Variants in SETDB1 observed in about 807,000 individuals in gnomAD.
SETDB1 encodes SET domain bifurcated histone lysine methyltransferase 1.
SETDB1 carries 31 observed loss-of-function variants against 137.4 expected under a neutral mutation model. The observed-to-expected ratio is 0.23, with a 90% CI of 0.17 to 0.30. The LOEUF is 0.30. SETDB1 is among the 10% of genes least tolerant of loss of function. SETDB1 has a pLI of 1.00. For synonymous variants in SETDB1, 548 were observed against 579.9 expected (o/e 0.95, Z 0.79); for missense variants, 1,113 against 1,631.5 (o/e 0.68, Z 5.47).
At chr1:150,958,686 G>T (rs377521542) in intron 14 of SETDB1, among the ~76,000 whole-genome samples, 9 of 151,654 alleles carry the variant, frequency 5.9e-5, no homozygotes, top group South Asian at 2.1e-4. Flanking sequence ...ATTCCCTTTC[G>T]TATCTGTTAT....
At chr1:150,927,368 C>T (rs917239165) in intron 1 of SETDB1, among the ~76,000 whole-genome samples, 2 of 152,162 alleles carry the variant, frequency 1.3e-5, no homozygotes, top group African/African-American at 4.8e-5. Context: ...TCAAGCGACC[C>T]TCCTGCCTCG....
intron 2 of SETDB1, among the ~76,000 whole-genome samples, chr1:150,929,735 C>T (rs942132414): frequency 6.6e-6 from 1 of 152,014 alleles, no homozygotes; most frequent in Non-Finnish European, 1.5e-5. Context: ...GGTGAAAGTA[C>T]TGTACTTTGG....
intron 14 of SETDB1, among the ~76,000 whole-genome samples, chr1:150,958,254 C>CTTTTTTTTTTTTTTTTTTTTTTTTTTTTT (rs374122454): frequency 2.9e-4 from 27 of 94,066 alleles, no homozygotes; most frequent in Non-Finnish European, 3.9e-4. Flanking sequence ...TTTCTTTTTT[C>CTTTTTTTTTTTTTTTTTTTTTTTTTTTTT]TTTTTTTTTT....
At position 150,964,313 on chromosome 1, in the gene SETDB1, G is replaced by A; in HGVS notation, c.3828G>A (p.Lys1276=). The A allele has an allele frequency of 6.2e-7, 1 of 1,614,206 alleles. No homozygotes were observed. The highest frequency in any genetic ancestry group is 8.5e-7 in the Non-Finnish European group (1 of 1,180,018). The change falls in exon 22 of 22, where the codon AAG becomes AAA. Residue 1276 remains lysine, a synonymous_variant. Transcript: ENST00000692827. ...ACGAGGTGGGCAGTGTGGAAGGCAAGGAGCTACTCTGTTGCTGTGGGGCCA... is the reference window on the plus strand; with the variant it reads ...ACGAGGTGGGCAGTGTGGAAGGCAAAGAGCTACTCTGTTGCTGTGGGGCCA... ...YNYEVGSVEG[K]ELLCCCGAIE...
intron 14 of SETDB1, 30 bp from the exon 15 acceptor site, chr1:150,959,148 G>C (rs375629306): frequency 6.7e-7 from 1 of 1,500,776 alleles, no homozygotes; most frequent in South Asian, 1.3e-5. Context: ...TGATCATACC[G>C]TGATTGATTT....
chr1:150,955,952 C>T (rs1195909202), intron 14 of SETDB1, among the ~76,000 whole-genome samples: 1 of 151,870 alleles, frequency 6.6e-6, no homozygotes, highest in Non-Finnish European at 1.5e-5. Flanking sequence ...ATTAGCCAGG[C>T]GTGGTGGCAC....
chr1:150,942,526 G>A lies in SETDB1; in HGVS notation c.548-37G>A, dbSNP rs1234342127. On this transcript the variant is annotated intron_variant, in intron 5 of 21. Transcript: ENST00000692827. Reference sequence around the variant, plus strand: ...CCTTCCCGTTCTCTACCGAATCTATGTCATAACTCTTGAGAATAACTTTGC... The same window carrying A: ...CCTTCCCGTTCTCTACCGAATCTATATCATAACTCTTGAGAATAACTTTGC... 3 of 1,587,198 alleles carry A rather than the reference G, an allele frequency of 1.9e-6. No individual in the cohort carries two copies. The Admixed American group carries it at 5.4e-5, about 28-fold the overall frequency.
At chr1:150,947,152 A>G (rs1164311999) in intron 10 of SETDB1, 140 bp downstream of exon 10, 4 of 958,708 alleles carry the variant, frequency 4.2e-6, no homozygotes, top group Middle Eastern at 3.1e-4. Context: ...GTTGTTTCCA[A>G]TCATGGTGAT....
In SETDB1 at chr1:150,963,178, G is replaced by A. The variant is rs776558216; in HGVS notation, c.3460+39G>A. On this transcript the variant is annotated intron_variant, in intron 19 of 21. Coordinates refer to ENST00000692827, the MANE Select transcript of SETDB1 (RefSeq NM_001366418.1). Reference sequence around the variant, plus strand: ...ATTTTGGGAATGGTGGGAAGAAATAGTAAGAAACTTGGGATAGAGCATTTT... The same window carrying A: ...ATTTTGGGAATGGTGGGAAGAAATAATAAGAAACTTGGGATAGAGCATTTT... 42 of 1,580,654 alleles carry A rather than the reference G, an allele frequency of 2.7e-5. No individual in the cohort carries two copies. The African/African-American group carries it at 4.6e-4, about 17-fold the overall frequency.
chr1:150,927,391 G>A (rs1669564112), intron 1 of SETDB1, among the ~76,000 whole-genome samples: 1 of 152,158 alleles, frequency 6.6e-6, no homozygotes, highest in South Asian at 2.1e-4. Flanking sequence ...CTCTAAAAGT[G>A]CTGAGATTAC....
chr1:150,940,997 C>CAAAA, intron 4 of SETDB1, among the ~76,000 whole-genome samples: 1 of 119,118 alleles, frequency 8.4e-6, no homozygotes, highest in Non-Finnish European at 1.8e-5. Flanking sequence ...GACTCCATCT[C>CAAAA]AAAAAAAAAA....
intron 14 of SETDB1, among the ~76,000 whole-genome samples, chr1:150,956,881 G>A (rs944172542): frequency 2.6e-5 from 4 of 152,076 alleles, no homozygotes; most frequent in South Asian, 2.1e-4. Flanking sequence ...TTGGGAGGCC[G>A]TGGTGGGGGG....
chr1:150,943,378 A>G (rs1670223146), intron 7 of SETDB1, among the ~76,000 whole-genome samples: 1 of 152,172 alleles, frequency 6.6e-6, no homozygotes, highest in South Asian at 2.1e-4. Context: ...ATAGAGGAAA[A>G]AGAATATATG....
intron 1 of SETDB1, among the ~76,000 whole-genome samples, 200 bp from the exon 2 acceptor site, chr1:150,927,504 A>C (rs1669568130): frequency 6.6e-6 from 1 of 152,154 alleles, no homozygotes; most frequent in Admixed American, 6.5e-5. Context: ...CTTTTTCAGG[A>C]GTGTTAGCGT....
At chr1:150,960,338 A>G (rs768011331) in intron 15 of SETDB1, among the ~76,000 whole-genome samples, 1 of 150,656 alleles carries the variant, frequency 6.6e-6, no homozygotes, top group Non-Finnish European at 1.5e-5. Flanking sequence ...TTAGCCAGGC[A>G]TGGTGGCGTG....
intron 8 of SETDB1, 110 bp downstream of exon 8, chr1:150,944,103 A>G: frequency 1.2e-6 from 1 of 809,052 alleles, no homozygotes; most frequent in South Asian, 1.4e-5. Context: ...AGTCTCAAAG[A>G]GCATAAGTTT....
At chr1:150,956,516 CT>C (rs1383507864) in intron 14 of SETDB1, among the ~76,000 whole-genome samples, 1 of 152,136 alleles carries the variant, frequency 6.6e-6, no homozygotes, top group Non-Finnish European at 1.5e-5. Context: ...CTGAGCTGAT[CT>C]TTTTTGATCA....
intron 3 of SETDB1, among the ~76,000 whole-genome samples, chr1:150,937,348 G>T (rs1669977822): frequency 6.6e-6 from 1 of 152,096 alleles, no homozygotes; most frequent in Non-Finnish European, 1.5e-5. Context: ...AATGGGGAGT[G>T]TTTAATAGGT....
In SETDB1 at chr1:150,960,774, T is replaced by C. The variant is rs868858081; in HGVS notation, c.2715T>C (p.Asp905=). 29 of 1,610,774 alleles carry C rather than the reference T, an allele frequency of 1.8e-5. 2 individuals carry two copies. The Middle Eastern group carries it at 4.3e-3, about 239-fold the overall frequency. The change falls in exon 16 of 22, where the codon GAT becomes GAC. Residue 905 remains aspartate (D), a synonymous_variant. Coordinates refer to ENST00000692827, the MANE Select transcript of SETDB1 (RefSeq NM_001366418.1). ...GTEDPEESND[D]SSDDNFCKDE... ...AGGACCCTGAAGAGTCCAATGATGA[T>C]AGCTCAGATGATAACTTCTGTAAGG...
Sources: allele counts gnomAD v4.1 joint callset (sites outside exome capture counted in the v4.1 genomes callset), GRCh38; gene constraint gnomAD v4.1.1; transcripts MANE v1.5; gene names NCBI Gene and HGNC (gene_info 2026-07-23, HGNC 2026-07-21).